The following CYB5R3 variants were observed in gnomAD, a reference collection of about 807,000 sequenced individuals.
The protein encoded by CYB5R3 is cytochrome b5 reductase 3.
Under a neutral mutation model 36.5 loss-of-function variants are expected in CYB5R3, and 28 were observed. That is an observed-to-expected ratio of 0.77 (90% CI 0.57 to 1.05). The LOEUF (loss-of-function observed/expected upper bound fraction) is 1.05. Ranked by LOEUF, CYB5R3 falls within the 50% of genes least tolerant of loss-of-function variation. CYB5R3 has a pLI of 0.00. For missense variants in CYB5R3, 474 were observed against 408.9 expected (o/e 1.16, Z -1.37); for synonymous variants, 181 against 159.8 (o/e 1.13, Z -1.00).
chr22:42,641,199 G>A (rs150615684), intron 1 of CYB5R3, among the ~76,000 whole-genome samples: 5 of 152,056 alleles, frequency 3.3e-5, no homozygotes, highest in Non-Finnish European at 5.9e-5. Context: ...TTACTTTACT[G>A]TAAAAATATA....
At chr22:42,629,758 AC>A (rs1185436561) in intron 4 of CYB5R3, among the ~76,000 whole-genome samples, 2 of 151,818 alleles carry the variant, frequency 1.3e-5, no homozygotes, top group Non-Finnish European at 2.9e-5. Flanking sequence ...CCACATACCC[AC>A]TGGTCTAGGC....
intron 1 of CYB5R3, chr22:42,646,574 C>A (rs1569329095): frequency 3.3e-6 from 3 of 895,878 alleles, no homozygotes; most frequent in Non-Finnish European, 4.0e-6. Flanking sequence ...CCTGGCAGGC[C>A]CGGTCCTCCC....
At chr22:42,640,110 T>G (rs2035069982) in intron 1 of CYB5R3, 2 of 1,613,880 alleles carry the variant, frequency 1.2e-6, no homozygotes, top group Non-Finnish European at 1.7e-6. Context: ...TACTGACTAT[T>G]TTTTTCAGGC....
At chr22:42,620,372 T>TCCCCAGGCTGGTGCTCTG (rs1927899756) in intron 8 of CYB5R3, among the ~76,000 whole-genome samples, 2 of 151,650 alleles carry the variant, frequency 1.3e-5, no homozygotes, top group African/African-American at 2.4e-5. Context: ...GATCCAGAGG[T>TCCCCAGGCTGGTGCTCTG]CCCCAGGCTG....
chr22:42,637,929 G>A (rs1310766786), intron 1 of CYB5R3, among the ~76,000 whole-genome samples: 1 of 152,108 alleles, frequency 6.6e-6, no homozygotes, highest in Non-Finnish European at 1.5e-5. Flanking sequence ...CCCAGCCCCT[G>A]CCCCCGACAT....
chr22:42,638,991 G>C, intron 1 of CYB5R3: 1 of 406,964 alleles, frequency 2.5e-6, no homozygotes, highest in Admixed American at 3.0e-5. Context: ...CCGAGATCGT[G>C]CCATTGCACT....
chr22:42,641,717 C>A (rs971105448), intron 1 of CYB5R3, among the ~76,000 whole-genome samples: 1 of 152,148 alleles, frequency 6.6e-6, no homozygotes, highest in Non-Finnish European at 1.5e-5. Context: ...AACTTCTGAC[C>A]TCAGGTGATC....
At chr22:42,637,329 AAGG>A (rs775093305) in intron 1 of CYB5R3, among the ~76,000 whole-genome samples, 1 of 152,204 alleles carries the variant, frequency 6.6e-6, no homozygotes, top group Non-Finnish European at 1.5e-5. Flanking sequence ...ATCTATCTGA[AAGG>A]CCTACACTGA....
intron 1 of CYB5R3, among the ~76,000 whole-genome samples, chr22:42,644,839 T>C (rs534425824): frequency 6.6e-6 from 1 of 152,288 alleles, no homozygotes; most frequent in East Asian, 1.9e-4. Flanking sequence ...GCTGCGTCAG[T>C]GCACAGCCCA....
chr22:42,644,213 G>A (rs1273628478), intron 1 of CYB5R3, among the ~76,000 whole-genome samples: 1 of 152,136 alleles, frequency 6.6e-6, no homozygotes, highest in Non-Finnish European at 1.5e-5. Context: ...TTCTGCTCCA[G>A]TCAAAGAGCT....
At chr22:42,644,300 C>G in intron 1 of CYB5R3, 1 of 675,214 alleles carries the variant, frequency 1.5e-6, no homozygotes, top group Non-Finnish European at 2.7e-6. Flanking sequence ...TCCGAACCAA[C>G]AGGCGGCTCC....
At chr22:42,645,945 GAGAC>G (rs2146913914) in intron 1 of CYB5R3, among the ~76,000 whole-genome samples, 1 of 152,302 alleles carries the variant, frequency 6.6e-6, no homozygotes, top group African/African-American at 2.4e-5. Context: ...GCCAGACGGG[GAGAC>G]AGACACCGGC....
At position 42,646,893 on chromosome 22, in the gene CYB5R3, C is replaced by G. The variant is rs763508354; in HGVS notation, c.21+2402G>C. Reference sequence around the variant, plus strand: ...AAGCCCGGCAGACTGTACCTGTCAGCCTGTCAGGGTCGCTGAGCACTCACA... The same window carrying G: ...AAGCCCGGCAGACTGTACCTGTCAGGCTGTCAGGGTCGCTGAGCACTCACA... On this transcript the variant is annotated intron_variant, in intron 1 of 8. Transcript: ENST00000352397. 6 of 985,416 alleles carry G rather than the reference C, an allele frequency of 6.1e-6. No individual in the cohort carries two copies. In the African/African-American group the frequency reaches 1.0e-4, roughly 17 times the overall value. The allele number at this position is 985,416 out of a possible 1,614,324, so 61.0% of individuals were successfully genotyped here. A position where few individuals can be genotyped will look rare whatever the true frequency, so the allele number is the denominator to read the frequency against.
At chr22:42,640,209 G>T (rs768404888) in intron 1 of CYB5R3, 1 of 1,604,040 alleles carries the variant, frequency 6.2e-7, no homozygotes, top group Admixed American at 1.7e-5. Flanking sequence ...GAGGCTTCAA[G>T]TAAGTCACAG....
At chr22:42,644,304 C>T (rs889344964) in intron 1 of CYB5R3, 87 of 676,222 alleles carry the variant, frequency 1.3e-4, no homozygotes, top group African/African-American at 3.5e-4. Flanking sequence ...AACCAACAGG[C>T]GGCTCCACCC....
intron 1 of CYB5R3, among the ~76,000 whole-genome samples, chr22:42,643,986 G>A (rs1339520263): frequency 6.6e-6 from 1 of 152,084 alleles, no homozygotes; most frequent in Non-Finnish European, 1.5e-5. Flanking sequence ...CAGCACGTGA[G>A]GAAACTGAGG....
At chr22:42,640,455 T>C (rs1169623258) in intron 1 of CYB5R3, 5 of 369,676 alleles carry the variant, frequency 1.4e-5, no homozygotes, top group Non-Finnish European at 2.1e-5. Context: ...CTTGGCTAAC[T>C]GTGACCTCCG....
chr22:42,630,557 G>A (rs1928554357), intron 4 of CYB5R3, among the ~76,000 whole-genome samples: 1 of 152,244 alleles, frequency 6.6e-6, no homozygotes, highest in Non-Finnish European at 1.5e-5. Flanking sequence ...CTTGTTTGAA[G>A]GCACTTGCCC....
intron 7 of CYB5R3, among the ~76,000 whole-genome samples, chr22:42,626,798 T>A (rs936067554): frequency 4.0e-5 from 6 of 151,180 alleles, no homozygotes; most frequent in Admixed American, 3.3e-4. Context: ...AGAGGGAAAG[T>A]AGCTCGTCCA....
Sources: gnomAD v4.1 joint callset for allele counts (sites outside exome capture counted in the v4.1 genomes callset) on GRCh38, gnomAD v4.1.1 for gene constraint, MANE v1.5 for transcripts, NCBI Gene and HGNC (gene_info 2026-07-23, HGNC 2026-07-21) for gene names.